Variants in ARHGAP44 observed in about 807,000 individuals in gnomAD.
The protein encoded by ARHGAP44 is Rho GTPase activating protein 44, also known as rho GTPase-activating protein 44.
A neutral mutation model predicts 106.8 loss-of-function variants in ARHGAP44; 43 were observed. That is an observed-to-expected ratio of 0.40 (90% CI 0.32 to 0.52). The LOEUF (loss-of-function observed/expected upper bound fraction) is 0.52. ARHGAP44 is among the 20% of genes least tolerant of loss of function. The pLI is 0.48. For missense variants in ARHGAP44, 866 were observed against 1,050.5 expected (o/e 0.82, Z 2.43); for synonymous variants, 439 against 410.3 (o/e 1.07, Z -0.85).
chr17:12,879,011 G>A (rs1272140742), intron 1 of ARHGAP44, among the ~76,000 whole-genome samples: 1 of 152,094 alleles, frequency 6.6e-6, no homozygotes, highest in Non-Finnish European at 1.5e-5. Context: ...AGGTTTTTGG[G>A]GAACAGGTGG....
intron 7 of ARHGAP44, among the ~76,000 whole-genome samples, chr17:12,935,679 A>T (rs916804772): frequency 1.3e-5 from 2 of 152,158 alleles, no homozygotes; most frequent in African/African-American, 4.8e-5. Context: ...ATTAGGAAAT[A>T]TTTTTTAAGT....
At chr17:12,845,640 G>A (rs1242841085) in intron 1 of ARHGAP44, among the ~76,000 whole-genome samples, 1 of 151,922 alleles carries the variant, frequency 6.6e-6, no homozygotes, top group Non-Finnish European at 1.5e-5. Flanking sequence ...GTAGGCTCTT[G>A]GTTTCTATTA....
At chr17:12,932,817 T>A (rs1050131785) in intron 7 of ARHGAP44, among the ~76,000 whole-genome samples, 1 of 152,142 alleles carries the variant, frequency 6.6e-6, no homozygotes, top group Non-Finnish European at 1.5e-5. Flanking sequence ...AATTTATTTC[T>A]GGACTCTATG....
At chr17:12,835,136 G>T (rs530827472) in intron 1 of ARHGAP44, among the ~76,000 whole-genome samples, 58 of 152,274 alleles carry the variant, frequency 3.8e-4, no homozygotes, top group African/African-American at 1.3e-3. Context: ...TGGCTGCAGG[G>T]CCTGGCCTTT....
chr17:12,930,118 A>G (rs1469762518), intron 7 of ARHGAP44, among the ~76,000 whole-genome samples: 2 of 152,230 alleles, frequency 1.3e-5, no homozygotes, highest in Admixed American at 6.5e-5. Context: ...CTGATTTGTC[A>G]TTTGAACTCC....
intron 1 of ARHGAP44, among the ~76,000 whole-genome samples, chr17:12,797,337 C>G (rs550413613): frequency 1.3e-5 from 2 of 152,142 alleles, no homozygotes; most frequent in African/African-American, 2.4e-5. Context: ...ATAATACTTA[C>G]GCTTTTTAAA....
chr17:12,844,616 T>C (rs2035510711), intron 1 of ARHGAP44, among the ~76,000 whole-genome samples: 1 of 152,182 alleles, frequency 6.6e-6, no homozygotes, highest in South Asian at 2.1e-4. Context: ...TTTAAGACAG[T>C]AACACTGATG....
intron 3 of ARHGAP44, among the ~76,000 whole-genome samples, chr17:12,903,693 A>C (rs1346857596): frequency 6.6e-6 from 1 of 152,204 alleles, no homozygotes; most frequent in Non-Finnish European, 1.5e-5. Context: ...TGGTGCACCC[A>C]TCACCTGAGT....
At chr17:12,988,960 G>A (rs1343509442) in intron 20 of ARHGAP44, 1 of 150,308 alleles carries the variant, frequency 6.7e-6, no homozygotes, top group Non-Finnish European at 1.5e-5. Context: ...AGCCGGGCAT[G>A]GTGGTGGGTG....
intron 1 of ARHGAP44, among the ~76,000 whole-genome samples, chr17:12,827,092 C>T (rs1597897938): frequency 6.6e-6 from 1 of 152,322 alleles, no homozygotes; most frequent in Non-Finnish European, 1.5e-5. Flanking sequence ...TTTTACTTCT[C>T]AGGCCATGAC....
chr17:12,984,708 C>T lies in ARHGAP44; in HGVS notation c.2117C>T (p.Ser706Phe), dbSNP rs1351601047. 1 of 1,613,864 alleles carries T rather than the reference C, an allele frequency of 6.2e-7. No individual in the cohort carries two copies. Among genetic ancestry groups the T allele is most frequent in the Non-Finnish European group, 8.5e-7 (1 of 1,179,850 alleles). Residue 706 changes from serine (S) to phenylalanine (F), a missense_variant, in exon 20 of 21, where the codon TCC becomes TTC. Ser to Phe is a radical substitution (Grantham distance 155). Transcript: ENST00000379672. ...TACTCCTTGGCCTCGGGCCAGCTCT[C>T]CCCAGCTGCAGCTCCTCCCCTGGCC... The part of the protein sequence containing the change: ...QGYSLASGQL[S>F]PAAAPPLASP...
intron 1 of ARHGAP44, among the ~76,000 whole-genome samples, chr17:12,815,995 T>C (rs1261509768): frequency 6.6e-6 from 1 of 152,072 alleles, no homozygotes; most frequent in Non-Finnish European, 1.5e-5. Flanking sequence ...AGTGGGGCTG[T>C]GGAAGCTGAG....
chr17:12,866,523 A>AG (rs550797181), intron 1 of ARHGAP44, among the ~76,000 whole-genome samples: 3 of 152,314 alleles, frequency 2.0e-5, no homozygotes, highest in East Asian at 3.9e-4. Flanking sequence ...AGGAAAAAAA[A>AG]AATCTACCCT....
intron 3 of ARHGAP44, among the ~76,000 whole-genome samples, chr17:12,907,580 C>T (rs2037591661): frequency 6.6e-6 from 1 of 152,120 alleles, no homozygotes; most frequent in Admixed American, 6.5e-5. Flanking sequence ...TAATATGTGT[C>T]CTTTTGTGTC....
chr17:12,948,391 C>T (rs968231926), intron 10 of ARHGAP44, among the ~76,000 whole-genome samples: 3 of 152,178 alleles, frequency 2.0e-5, no homozygotes, highest in Admixed American at 2.0e-4. Context: ...AAGTGTAGGC[C>T]GGGTGCTGTG....
intron 1 of ARHGAP44, among the ~76,000 whole-genome samples, chr17:12,890,625 A>C (rs7221845): frequency 0.74 from 112,631 of 152,100 alleles, 42,064 homozygotes; most frequent in East Asian, 0.98. Context: ...TCTTGGAGGT[A>C]ATTCTCTCAT....
intron 1 of ARHGAP44, among the ~76,000 whole-genome samples, chr17:12,865,527 C>T (rs1436249811): frequency 6.6e-6 from 1 of 152,084 alleles, no homozygotes; most frequent in East Asian, 1.9e-4. Flanking sequence ...CGGTGGCTCA[C>T]GCCTGTAATC....
intron 1 of ARHGAP44, among the ~76,000 whole-genome samples, chr17:12,840,839 C>T (rs774486454): frequency 6.6e-6 from 1 of 152,154 alleles, no homozygotes; most frequent in African/African-American, 2.4e-5. Context: ...CAGGAGAGAA[C>T]CCCAGCTCCA....
intron 6 of ARHGAP44, among the ~76,000 whole-genome samples, chr17:12,920,292 T>C (rs111681460): frequency 0.15 from 19,031 of 128,230 alleles, 2,586 homozygotes; most frequent in African/African-American, 0.39. Flanking sequence ...AGGAGAATGG[T>C]GTGAACCGGG....
Sources: allele counts gnomAD v4.1 joint callset (sites outside exome capture counted in the v4.1 genomes callset), GRCh38; gene constraint gnomAD v4.1.1; transcripts MANE v1.5; gene names NCBI Gene and HGNC (gene_info 2026-07-23, HGNC 2026-07-21).